VOPP1: variants seen among roughly 807,000 people sequenced by gnomAD.
VOPP1 encodes the protein WW domain binding protein VOPP1.
In VOPP1, 8 loss-of-function variants were observed where a neutral mutation model predicts 23.5. The observed-to-expected ratio is 0.34, with a 90% CI of 0.20 to 0.61. The LOEUF is 0.61. VOPP1 is among the 20% of genes least tolerant of loss of function. The pLI, the probability that VOPP1 is intolerant of heterozygous loss-of-function variation, is 0.78. For missense variants in VOPP1, 174 were observed against 238.1 expected (o/e 0.73, Z 1.77); for synonymous variants, 83 against 97.3 (o/e 0.85, Z 0.86).
chr7:55,483,526 A>C (rs1274629954), intron 4 of VOPP1, among the ~76,000 whole-genome samples: 2 of 151,858 alleles, frequency 1.3e-5, no homozygotes, highest in Non-Finnish European at 2.9e-5. Flanking sequence ...CCAATGCCCC[A>C]CCCTGGCCAA....
At chr7:55,465,692 A>G (rs938458853), downstream of VOPP1, among the ~76,000 whole-genome samples, 1 of 152,230 alleles carries the variant, frequency 6.6e-6, no homozygotes, top group African/African-American at 2.4e-5. Context: ...TATAATCTCC[A>G]TTTTATAGTT....
intron 4 of VOPP1, among the ~76,000 whole-genome samples, chr7:55,447,190 A>G (rs551923373): frequency 3.3e-4 from 51 of 152,348 alleles, no homozygotes; most frequent in Admixed American, 7.2e-4. Flanking sequence ...TCCAGGTACT[A>G]TAGAAGAATC....
intron 4 of VOPP1, among the ~76,000 whole-genome samples, chr7:55,449,170 G>A (rs553799056): frequency 6.6e-6 from 1 of 152,218 alleles, no homozygotes; most frequent in African/African-American, 2.4e-5. Flanking sequence ...GAAGTGCTTG[G>A]CAGGTGTCCG....
chr7:55,456,499 C>T (rs898714600), intron 4 of VOPP1, among the ~76,000 whole-genome samples: 1 of 152,112 alleles, frequency 6.6e-6, no homozygotes. Flanking sequence ...TCATGCACAC[C>T]TATGTTTATT....
Position 55,572,417 on chromosome 7 carries a change from G to T in VOPP1, c.-93C>A, listed in dbSNP as rs1584145668. On this transcript the variant is annotated 5_prime_UTR_variant, in exon 1 of 5. It adds an upstream start codon to the 5' untranslated region. Transcript: ENST00000285279. ...GCGCGGGGCGGGCGGGCAGACTGCA[G>T]CCGGGAGCCGTCCCGCCGACCGCTG... is the stretch of plus-strand genomic sequence containing the variant. 4.4e-6 allele frequency: 4 copies of T among 912,334 alleles called. No homozygotes were observed. Among genetic ancestry groups the T allele is most frequent in the Non-Finnish European group, 5.5e-6 (4 of 725,874 alleles). 56.5% of individuals were successfully genotyped at this position (912,334 alleles called of 1,614,324 possible).
chr7:55,539,109 C>T (rs1169408518), intron 1 of VOPP1, among the ~76,000 whole-genome samples: 2 of 151,516 alleles, frequency 1.3e-5, no homozygotes, highest in Admixed American at 6.6e-5. Context: ...TTTGGGAGGC[C>T]GAGGCAAGCG....
intron 2 of VOPP1, among the ~76,000 whole-genome samples, chr7:55,518,836 A>G (rs1459526469): frequency 6.6e-6 from 1 of 152,202 alleles, no homozygotes; most frequent in Admixed American, 6.5e-5. Flanking sequence ...TTAAGCAAAA[A>G]AGTGACATGG....
chr7:55,472,904 T>C lies in VOPP1; in HGVS notation c.470A>G (p.Tyr157Cys), dbSNP rs908073057. Reference sequence around the variant, plus strand: ...GTACGGGGGCGGAGGCGTGTTGCAGTAGGCTGGAGGGGGCGGGCAGGCCAC... The same window carrying C: ...GTACGGGGGCGGAGGCGTGTTGCAGCAGGCTGGAGGGGGCGGGCAGGCCAC... ...GSVACPPPPA[Y>C]CNTPPPPYEQ... The change falls in exon 5 of 5, where the codon TAC becomes TGC. Residue 157 changes from tyrosine to cysteine, a missense_variant. Tyr to Cys is a radical substitution (Grantham distance 194). Transcript: ENST00000285279. The C allele has an allele frequency of 6.6e-7, 1 of 1,509,874 alleles. No homozygotes were observed. 93.5% of individuals were successfully genotyped at this position (1,509,874 alleles called of 1,614,324 possible). A position where few individuals can be genotyped will look rare whatever the true frequency, so the allele number is the denominator to read the frequency against.
Position 55,519,000 on chromosome 7 carries a change from C to T in VOPP1, c.113+2072G>A, listed in dbSNP as rs149964963. 3.0e-4 allele frequency among the ~76,000 whole-genome samples: 45 copies of T among 152,318 alleles called. 2 individuals are homozygous for T. Among genetic ancestry groups the T allele is most frequent in the African/African-American group, 1.0e-3 (43 of 41,574 alleles). On this transcript the variant is annotated intron_variant, in intron 2 of 4. Coordinates refer to ENST00000285279, the MANE Select transcript of VOPP1 (RefSeq NM_030796.5). ...AGAAACAGAAAGACCAGAGGCAGAA[C>T]AGAGAAGACTAGTGGGTGGGGCTGG...
At position 55,436,624 on chromosome 7, in the gene VOPP1, G is replaced by T. The variant is rs141018426; in HGVS notation, n.418-450C>A. ...CATGAGTGTGTGTGCATGAGTGTGT[G>T]TGTGTGCGTGTGTGTGCGTGCGTGG... On this transcript the variant is annotated intron_variant and non_coding_transcript_variant, in intron 4 of 4. Coordinates refer to the VOPP1 transcript ENST00000462326. Among the ~76,000 whole-genome samples, 9 of 140,688 alleles carry T rather than the reference G, an allele frequency of 6.4e-5. No homozygotes were observed. The South Asian group carries it at 1.8e-3, about 28-fold the overall frequency. The allele number at this position is 140,688 out of a possible 152,430, so 92.3% of individuals were successfully genotyped here.
intron 4 of VOPP1, among the ~76,000 whole-genome samples, chr7:55,445,278 GAC>G (rs757378648): frequency 0.015 from 973 of 65,212 alleles, 16 homozygotes; most frequent in South Asian, 0.045. Context: ...TACACACACA[GAC>G]ACACACACAC....
downstream of VOPP1, among the ~76,000 whole-genome samples, chr7:55,469,080 G>A (rs1204317362): frequency 7.2e-5 from 11 of 152,110 alleles, no homozygotes; most frequent in Non-Finnish European, 1.2e-4. Flanking sequence ...GAGTGTTCAC[G>A]GTAATTTTTT....
chr7:55,458,827 G>C (rs2129003134), intron 4 of VOPP1, among the ~76,000 whole-genome samples: 1 of 152,210 alleles, frequency 6.6e-6, no homozygotes, highest in East Asian at 1.9e-4. Flanking sequence ...TACAGAAAGA[G>C]ACAATTTGAC....
chr7:55,543,137 G>T (rs894520792), intron 1 of VOPP1, among the ~76,000 whole-genome samples: 1 of 152,002 alleles, frequency 6.6e-6, no homozygotes, highest in South Asian at 2.1e-4. Flanking sequence ...GGATGGTCTC[G>T]ATCTCCTGAC....
chr7:55,524,936 G>A (rs777182918), intron 1 of VOPP1, among the ~76,000 whole-genome samples: 1 of 152,180 alleles, frequency 6.6e-6, no homozygotes, highest in Non-Finnish European at 1.5e-5. Context: ...TCAAAGGGGA[G>A]TTTGCCAGGG....
intron 2 of VOPP1, among the ~76,000 whole-genome samples, chr7:55,507,286 G>T (rs1256740032): frequency 6.6e-6 from 1 of 152,166 alleles, no homozygotes; most frequent in East Asian, 1.9e-4. Context: ...TCAGTACACG[G>T]CAGGGCTGAG....
Position 55,549,535 on chromosome 7 carries a change from T to C in VOPP1, c.54+22736A>G, listed in dbSNP as rs963389712. Among the ~76,000 whole-genome samples, 8 of 152,156 alleles carry C rather than the reference T, an allele frequency of 5.3e-5. No individual in the cohort carries two copies. In the South Asian group the frequency reaches 1.7e-3, roughly 32 times the overall value. ...ACAGAGACCTTTTCCCTTTCTCCAC[T>C]GTCAAAAAAAGGCTCTGCTCCACAT... On this transcript the variant is annotated intron_variant, in intron 1 of 4. Coordinates refer to ENST00000285279, the MANE Select transcript of VOPP1 (RefSeq NM_030796.5).
intron 2 of VOPP1, 108 bp downstream of exon 2, chr7:55,520,964 C>T: frequency 8.3e-7 from 1 of 1,206,768 alleles, no homozygotes; most frequent in Middle Eastern, 2.0e-4. Context: ...GCAGCAGAGG[C>T]TGGGCCACGC....
chr7:55,451,854 T>C (rs1250753330), intron 4 of VOPP1, among the ~76,000 whole-genome samples: 1 of 152,210 alleles, frequency 6.6e-6, no homozygotes, highest in East Asian at 1.9e-4. Context: ...CAGTGGGTCA[T>C]AATCTTTTTG....
Sources: gnomAD v4.1 joint callset for allele counts (sites outside exome capture counted in the v4.1 genomes callset) on GRCh38, gnomAD v4.1.1 for gene constraint, MANE v1.5 for transcripts, NCBI Gene and HGNC (gene_info 2026-07-23, HGNC 2026-07-21) for gene names.